CD109: variants seen among roughly 807,000 people sequenced by gnomAD.
The protein encoded by CD109 is CD109 molecule, also known as CD109 antigen.
A neutral mutation model predicts 165.8 loss-of-function variants in CD109; 149 were observed. The observed-to-expected ratio is 0.90, with a 90% CI of 0.79 to 1.03. The LOEUF (loss-of-function observed/expected upper bound fraction) is 1.03. Ranked by LOEUF, CD109 falls within the 50% of genes least tolerant of loss-of-function variation. The pLI, the probability that CD109 is intolerant of heterozygous loss-of-function variation, is 0.00. For missense variants in CD109, 1,712 were observed against 1,677.8 expected, an observed-to-expected ratio of 1.02 and a Z score of -0.36; for synonymous variants, 585 against 592.1, an observed-to-expected ratio of 0.99 and a Z score of 0.18.
upstream of CD109, among the ~76,000 whole-genome samples, chr6:73,693,407 A>C (rs575099513): frequency 6.6e-6 from 1 of 152,316 alleles, no homozygotes; most frequent in South Asian, 2.1e-4. Context: ...ACATTCATCT[A>C]TTCATGAGGA....
intron 31 of CD109, 29 bp from the exon 32 acceptor site, chr6:73,820,432 C>A: frequency 7.9e-7 from 1 of 1,268,924 alleles, no homozygotes; most frequent in Non-Finnish European, 1.1e-6. Flanking sequence ...AGTGTGCCAA[C>A]CCCTTAAGAC....
rs1770830778 is a variant in CD109, at chr6:73,696,297, C to CGTGGGCGCGCG, written c.74+10_74+20dup. 5.3e-6 allele frequency: 8 copies of CGTGGGCGCGCG among 1,496,408 alleles called. No homozygotes were observed. In the South Asian group the frequency reaches 1.0e-4, roughly 19 times the overall value. The allele number at this position is 1,496,408 out of a possible 1,614,324, so 92.7% of individuals were successfully genotyped here. On this transcript the variant is annotated intron_variant, in intron 1 of 32. Transcript: ENST00000287097. ...GCTGGCCGTGGCTCCCGGGTAGGAA[C>CGTGGGCGCGCG]GTGGGCGCGCGGGGGGCGCGCGGGC...
chr6:73,781,089 G>A (rs1055205231), intron 16 of CD109, among the ~76,000 whole-genome samples, 170 bp from the exon 17 acceptor site: 3 of 150,440 alleles, frequency 2.0e-5, no homozygotes, highest in East Asian at 1.9e-4. Context: ...GTGTGTGTGC[G>A]TGTGTGTGTG....
chr6:73,689,725 CAAGTATT>C, the CD109 span, among the ~76,000 whole-genome samples: 1 of 151,806 alleles, frequency 6.6e-6, no homozygotes. Context: ...GTGCTCTTTT[CAAGTATT>C]AACACCATTT....
At chr6:73,781,229 T>A in intron 16 of CD109, 30 bp from the exon 17 acceptor site, 1 of 1,584,796 alleles carries the variant, frequency 6.3e-7, no homozygotes, top group South Asian at 1.1e-5. Flanking sequence ...AACTTGTGTT[T>A]TAAAAGAAAA....
intron 15 of CD109, among the ~76,000 whole-genome samples, chr6:73,778,201 C>G (rs1774333189): frequency 6.6e-6 from 1 of 152,082 alleles, no homozygotes; most frequent in African/African-American, 2.4e-5. Context: ...TGATTTGGCT[C>G]TCTGCTGTGT....
intron 13 of CD109, 73 bp from the exon 14 acceptor site, chr6:73,767,982 A>C: frequency 8.0e-7 from 1 of 1,257,768 alleles, no homozygotes; most frequent in Non-Finnish European, 1.1e-6. Context: ...GCATACAATT[A>C]TGATTAATGT....
chr6:73,790,112 T>TTTTTTTTGG (rs1774866903), intron 22 of CD109, among the ~76,000 whole-genome samples: 1 of 149,542 alleles, frequency 6.7e-6, no homozygotes, highest in African/African-American at 2.5e-5. Context: ...TTTTTTTTTT[T>TTTTTTTTGG]GAGATGGAGT....
Position 73,758,942 on chromosome 6 carries a change from A to G in CD109, c.674-2A>G. 1.9e-6 allele frequency: 3 copies of G among 1,553,668 alleles called. No homozygotes were observed. The highest frequency in any genetic ancestry group is 2.2e-5 in the East Asian group (1 of 44,482). On this transcript the variant is annotated splice_acceptor_variant, in intron 6 of 32. Coordinates refer to ENST00000287097, the MANE Select transcript of CD109 (RefSeq NM_133493.5). LOFTEE classifies it high-confidence loss of function. ...AGATTTACCCTTGCTTTTCTTTTCC[A>G]GTATTACCAAAATTTGAAGTGACTT...
intron 5 of CD109, 56 bp from the exon 6 acceptor site, chr6:73,756,587 A>G: frequency 8.2e-7 from 1 of 1,225,222 alleles, no homozygotes. Context: ...GTAAGCAAGC[A>G]AAATAAATAA....
In CD109 at chr6:73,762,606, C is replaced by T. The variant is rs561864588; in HGVS notation, c.855+126C>T. 6 of 962,174 alleles carry T rather than the reference C, an allele frequency of 6.2e-6. No homozygotes were observed. The South Asian group carries it at 1.0e-4, about 16-fold the overall frequency. The allele number at this position is 962,174 out of a possible 1,614,324, so 59.6% of individuals were successfully genotyped here. A position where few individuals can be genotyped will look rare whatever the true frequency, so the allele number is the denominator to read the frequency against. ...AAATCAAGAGCTTTCCAGCATTGAA[C>T]AAATGAGAATTTATGCAATTATAGC... On this transcript the variant is annotated intron_variant, in intron 8 of 32. Transcript: ENST00000287097.
intron 2 of CD109, among the ~76,000 whole-genome samples, chr6:73,714,196 G>A (rs1431147593): frequency 6.6e-6 from 1 of 152,206 alleles, no homozygotes; most frequent in African/African-American, 2.4e-5. Flanking sequence ...GCTCTTTAGG[G>A]ATGAAGGACT....
intron 4 of CD109, among the ~76,000 whole-genome samples, chr6:73,733,967 T>C (rs1226830658): frequency 1.3e-5 from 2 of 152,204 alleles, no homozygotes; most frequent in Non-Finnish European, 2.9e-5. Flanking sequence ...GAAGGGCATG[T>C]GGGGCCACTA....
chr6:73,803,725 C>T (rs2150289421), intron 24 of CD109, among the ~76,000 whole-genome samples: 1 of 145,786 alleles, frequency 6.9e-6, no homozygotes, highest in East Asian at 2.0e-4. Context: ...AAAACAAACA[C>T]TGATGGAATT....
chr6:73,762,870 GA>G lies in CD109; in HGVS notation c.987del (p.Glu329AspfsTer10). 6.2e-7 allele frequency: 1 copy of G among 1,610,568 alleles called. No individual in the cohort carries two copies. The highest frequency in any genetic ancestry group is 8.5e-7 in the Non-Finnish European group (1 of 1,179,116). On this transcript the variant is annotated frameshift_variant, in exon 9 of 33. Transcript: ENST00000287097. LOFTEE classifies it high-confidence loss of function. ...AGTAGAAATTTTAACCACAGTGACA[GA>G]ATCAGTTACAGGTTTGTAGACTTTA... ...GPVEILTTVTESVTGISRNVS... is the reference protein window; with the variant it reads ...GPVEILTTVTXSVTGISRNVS...
rs1390753891 is a variant in CD109, at chr6:73,828,233, G to A, written c.*4600G>A. On this transcript the variant is annotated 3_prime_UTR_variant, in exon 33 of 33. Coordinates refer to ENST00000287097, the MANE Select transcript of CD109 (RefSeq NM_133493.5). ...AAGTTTTAATTTTTAATGTTGTAATGTTATGTTATTGTTAATTGTACTTTA... is the reference window on the plus strand; with the variant it reads ...AAGTTTTAATTTTTAATGTTGTAATATTATGTTATTGTTAATTGTACTTTA... 2 of 154,508 alleles carry A rather than the reference G, an allele frequency of 1.3e-5. No individual in the cohort carries two copies. Among genetic ancestry groups the A allele is most frequent in the African/African-American group, 4.8e-5 (2 of 41,492 alleles). 9.6% of individuals were successfully genotyped at this position (154,508 alleles called of 1,614,324 possible). A position where few individuals can be genotyped will look rare whatever the true frequency, so the allele number is the denominator to read the frequency against.
intron 23 of CD109, among the ~76,000 whole-genome samples, chr6:73,800,271 G>T (rs1326836246): frequency 6.6e-6 from 1 of 152,136 alleles, no homozygotes; most frequent in Non-Finnish European, 1.5e-5. Context: ...AGTTGACCGA[G>T]ATATTCCTCA....
intron 2 of CD109, among the ~76,000 whole-genome samples, chr6:73,708,447 C>T (rs1269087461): frequency 6.6e-6 from 1 of 152,074 alleles, no homozygotes; most frequent in East Asian, 1.9e-4. Flanking sequence ...TGAATAATGC[C>T]TCAATAAACA....
chr6:73,732,537 C>A (rs1772404154), intron 4 of CD109, among the ~76,000 whole-genome samples: 1 of 152,236 alleles, frequency 6.6e-6, no homozygotes, highest in Admixed American at 6.5e-5. Flanking sequence ...CATCTTTCAT[C>A]ATTTATCCAC....
Sources: gnomAD v4.1 joint callset for allele counts (sites outside exome capture counted in the v4.1 genomes callset) on GRCh38, gnomAD v4.1.1 for gene constraint, MANE v1.5 for transcripts, NCBI Gene and HGNC (gene_info 2026-07-23, HGNC 2026-07-21) for gene names.